Variants in RIC1 observed in about 807,000 individuals in gnomAD.
RIC1 encodes the protein RIC1 partner of RAB6A GEF complex, also known as guanine nucleotide exchange factor subunit RIC1.
A neutral mutation model predicts 169.0 loss-of-function variants in RIC1; 88 were observed. That is an observed-to-expected ratio of 0.52 (90% CI 0.44 to 0.62). The LOEUF (loss-of-function observed/expected upper bound fraction) is 0.62. Among genes scored for constraint, RIC1 ranks in the 20% least tolerant of loss-of-function variants. RIC1 has a pLI of 0.00. For missense variants in RIC1, 1,877 were observed against 1,725.5 expected (o/e 1.09, Z -1.56); for synonymous variants, 790 against 601.5 (o/e 1.31, Z -4.59).
At chr9:5,689,523 G>A (rs1221158175) in intron 2 of RIC1, among the ~76,000 whole-genome samples, 2 of 152,150 alleles carry the variant, frequency 1.3e-5, no homozygotes, top group Admixed American at 1.3e-4. Flanking sequence ...CTGTTCTGAA[G>A]TTAATACTGT....
At chr9:5,766,127 C>T (rs965066353) in intron 21 of RIC1, among the ~76,000 whole-genome samples, 8 of 152,170 alleles carry the variant, frequency 5.3e-5, no homozygotes, top group African/African-American at 1.7e-4. Context: ...CTGCAACCTC[C>T]GCCTTACAGG....
intron 4 of RIC1, among the ~76,000 whole-genome samples, chr9:5,717,846 A>T (rs1823349352): frequency 1.3e-5 from 2 of 150,782 alleles, no homozygotes; most frequent in Admixed American, 1.3e-4. Context: ...AAAAATAAAA[A>T]AAAAAAAAGT....
chr9:5,770,333 C>A, intron 23 of RIC1, 55 bp downstream of exon 23: 7 of 1,411,060 alleles, frequency 5.0e-6, no homozygotes, highest in Non-Finnish European at 6.9e-6. Flanking sequence ...AATTTATGTG[C>A]TATAGCACTT....
Position 5,742,936 on chromosome 9 carries a change from G to A in RIC1, c.969G>A (p.Val323=), listed in dbSNP as rs1281692749. The A allele has an allele frequency of 1.2e-6, 2 of 1,613,354 alleles. No homozygotes were observed. Among genetic ancestry groups the A allele is most frequent in the African/African-American group, 2.7e-5 (2 of 74,978 alleles). The change falls in exon 9 of 26, where the codon GTG becomes GTA. Residue 323 remains valine (V), a synonymous_variant. Transcript: ENST00000414202. ...CTCCTGACAATAGTGTTGTAATAGT[G>A]ACCTGGGAATACGGAGGCCTTTCTT... ...RWSPDNSVVI[V]TWEYGGLSLW... is the part of the protein sequence containing the mutation.
intron 1 of RIC1, among the ~76,000 whole-genome samples, chr9:5,655,945 C>T (rs535760489): frequency 1.1e-4 from 16 of 152,260 alleles, no homozygotes; most frequent in African/African-American, 3.6e-4. Context: ...TCTCGGCTCA[C>T]TGCAAGCTCT....
chr9:5,772,805 G>A (rs2131155132), intron 24 of RIC1, 64 bp downstream of exon 24: 4 of 1,547,492 alleles, frequency 2.6e-6, no homozygotes, highest in Non-Finnish European at 3.5e-6. Flanking sequence ...AAATAGGTAT[G>A]GGGCTACTCT....
At chr9:5,693,967 G>C (rs568744067) in intron 3 of RIC1, among the ~76,000 whole-genome samples, 4 of 150,786 alleles carry the variant, frequency 2.7e-5, no homozygotes, top group African/African-American at 9.7e-5. Context: ...ATATAGTAAA[G>C]ATACTGGTCT....
chr9:5,762,264 C>G (rs74417732), intron 17 of RIC1, among the ~76,000 whole-genome samples: 1 of 152,206 alleles, frequency 6.6e-6, no homozygotes, highest in African/African-American at 2.4e-5. Flanking sequence ...TTTTTATAAA[C>G]TTCTAAAGTT....
At position 5,756,372 on chromosome 9, in the gene RIC1, G is replaced by A. The variant is rs754824481; in HGVS notation, c.1853G>A (p.Gly618Asp). Residue 618 changes from glycine to aspartate, a missense_variant and splice_region_variant, in exon 16 of 26, where the codon GGT (glycine) becomes GAT (aspartate). Coordinates refer to ENST00000414202, the MANE Select transcript of RIC1 (RefSeq NM_020829.4). ...TACAGTATTGAAAGAAAATCTGATG[G>A]GTAAGTATCTGGCATATGAGAAGTC... ...CLYSIERKSD[G>D]PNTTAGIQVL... The A allele has an allele frequency of 2.1e-6, 3 of 1,453,964 alleles. No homozygotes were observed. The highest frequency in any genetic ancestry group is 4.4e-4 in the Middle Eastern group (2 of 4,564). The allele number at this position is 1,453,964 out of a possible 1,614,324, so 90.1% of individuals were successfully genotyped here.
chr9:5,667,793 C>T (rs567728345), intron 2 of RIC1, among the ~76,000 whole-genome samples: 9 of 152,254 alleles, frequency 5.9e-5, no homozygotes, highest in African/African-American at 1.9e-4. Flanking sequence ...CATGAGCCAC[C>T]GCACTGGGCC....
intron 2 of RIC1, among the ~76,000 whole-genome samples, chr9:5,682,953 C>G (rs964929380): frequency 6.6e-6 from 1 of 152,206 alleles, no homozygotes; most frequent in Non-Finnish European, 1.5e-5. Context: ...CAGTTGATCG[C>G]ATCGGCTACT....
Position 5,744,361 on chromosome 9 carries a change from C to T in RIC1, c.1095+624C>T, listed in dbSNP as rs576693445. ...ATCTATATATCTATATATATGTATA[C>T]AGTACCTTGAGCATATTTTTTAAAA... On this transcript the variant is annotated intron_variant, in intron 10 of 25. Coordinates refer to ENST00000414202, the MANE Select transcript of RIC1 (RefSeq NM_020829.4). Among the ~76,000 whole-genome samples, 4 of 152,214 alleles carry T rather than the reference C, an allele frequency of 2.6e-5. No homozygotes were observed. In the South Asian group the frequency reaches 8.3e-4, roughly 32 times the overall value.
intron 3 of RIC1, among the ~76,000 whole-genome samples, chr9:5,693,307 A>C (rs1036512757): frequency 6.6e-6 from 1 of 152,132 alleles, no homozygotes; most frequent in Non-Finnish European, 1.5e-5. Flanking sequence ...ACAGCATCTT[A>C]ACCTCAGACT....
At chr9:5,760,222 T>C (rs1826246493) in intron 17 of RIC1, among the ~76,000 whole-genome samples, 1 of 152,208 alleles carries the variant, frequency 6.6e-6, no homozygotes. Flanking sequence ...CCAGGGGTTT[T>C]TTTAGGGTAA....
At position 5,768,954 on chromosome 9, in the gene RIC1, G is replaced by A; in HGVS notation, c.3138-16G>A. 6.3e-7 allele frequency: 1 copy of A among 1,590,652 alleles called. No individual in the cohort carries two copies. On this transcript the variant is annotated splice_polypyrimidine_tract_variant and intron_variant, in intron 21 of 25. Transcript: ENST00000414202. The stretch of plus-strand genomic sequence containing the variant: ...GTAAAGATTATTCTGTAGCTTTCTT[G>A]TGTTTCCACTTACAGATGGAGCAAA...
chr9:5,778,121 C>CT (rs913897935), downstream of RIC1, among the ~76,000 whole-genome samples: 1 of 152,078 alleles, frequency 6.6e-6, no homozygotes, highest in East Asian at 1.9e-4. Context: ...TTTTTAATGT[C>CT]TTTTAACAGT....
rs764220652 is a variant in RIC1 at position 5,769,254 on chromosome 9, C to T, written c.3422C>T (p.Thr1141Ile). ...CCTTTCAAAAATGGAAAATACCGAA[C>T]TGGTAATGTAGACTTCATGTCACTT... ...SSPFKNGKYR[T>I]VGEQLLKSQS... Residue 1141 changes from threonine to isoleucine, a missense_variant and splice_region_variant, in exon 22 of 26, where the codon ACT becomes ATT. Physicochemically the swap from Thr to Ile is moderately conservative, Grantham distance 89. This residue lies in a region of RIC1 where 681 missense variants were observed against 582.0 expected (regional missense o/e 1.17). Transcript: ENST00000414202. The T allele has an allele frequency of 3.1e-6, 5 of 1,614,014 alleles. No individual in the cohort carries two copies. The highest frequency in any genetic ancestry group is 1.7e-5 in the Admixed American group (1 of 60,010).
chr9:5,663,088 C>G (rs559060046), intron 2 of RIC1, among the ~76,000 whole-genome samples: 1 of 152,146 alleles, frequency 6.6e-6, no homozygotes, highest in African/African-American at 2.4e-5. Context: ...TCATTATTTA[C>G]TCAAGTCACT....
chr9:5,629,549 C>T, intron 1 of RIC1, 96 bp downstream of exon 1: 4 of 1,321,338 alleles, frequency 3.0e-6, no homozygotes, highest in Non-Finnish European at 4.0e-6. Flanking sequence ...GACTCCTGCC[C>T]CTTCGTGCCA....
Sources: gnomAD v4.1 joint callset for allele counts (sites outside exome capture counted in the v4.1 genomes callset) on GRCh38, gnomAD v4.1.1 for gene constraint, gnomAD v4.1.1 regional missense constraint, MANE v1.5 for transcripts, NCBI Gene and HGNC (gene_info 2026-07-23, HGNC 2026-07-21) for gene names.